Variants in CFDP1 observed in about 807,000 individuals in gnomAD.
CFDP1 encodes the protein heterochromatin-stabilizing protein CFDP1.
A neutral mutation model predicts 40.1 loss-of-function variants in CFDP1; 31 were observed. The observed-to-expected ratio is 0.77, with a 90% CI of 0.58 to 1.04. CFDP1 has a LOEUF of 1.04. Ranked by LOEUF, CFDP1 falls within the 50% of genes least tolerant of loss-of-function variation. CFDP1 has a pLI of 0.00. For synonymous variants in CFDP1, 167 were observed against 120.0 expected (o/e 1.39, Z -2.56); for missense variants, 423 against 343.4 (o/e 1.23, Z -1.83).
intron 5 of CFDP1, among the ~76,000 whole-genome samples, chr16:75,357,444 G>A (rs2078652317): frequency 2.0e-5 from 3 of 151,950 alleles, no homozygotes; most frequent in South Asian, 2.1e-4. Flanking sequence ...TAGTAGAGAC[G>A]GGGTTTCACC....
chr16:75,432,688 G>A (rs2079436915), intron 1 of CFDP1, among the ~76,000 whole-genome samples: 2 of 152,144 alleles, frequency 1.3e-5, no homozygotes, highest in South Asian at 4.1e-4. Context: ...TCAACGAGAC[G>A]GTTTGTCTGG....
chr16:75,299,040 A>C, intron 6 of CFDP1, among the ~76,000 whole-genome samples: 1 of 152,098 alleles, frequency 6.6e-6, no homozygotes, highest in East Asian at 1.9e-4. Context: ...CCGCCTTAGC[A>C]CTGCTAGATG....
intron 5 of CFDP1, among the ~76,000 whole-genome samples, chr16:75,331,643 T>C (rs1042992201): frequency 4.6e-5 from 7 of 152,220 alleles, no homozygotes; most frequent in African/African-American, 1.4e-4. Context: ...ACGTTATTTT[T>C]TTCTTTTGTG....
intron 1 of CFDP1, among the ~76,000 whole-genome samples, chr16:75,431,520 TA>T (rs2079417394): frequency 6.7e-6 from 1 of 149,106 alleles, no homozygotes; most frequent in South Asian, 2.1e-4. Flanking sequence ...CGGGCGCCTG[TA>T]ATCCCACCTA....
chr16:75,385,788 T>A (rs1256742123), intron 5 of CFDP1, among the ~76,000 whole-genome samples: 1 of 152,180 alleles, frequency 6.6e-6, no homozygotes, highest in Non-Finnish European at 1.5e-5. Flanking sequence ...TGTTTTAAAG[T>A]TAACCAAAAT....
chr16:75,424,625 G>A (rs1045886974), intron 1 of CFDP1, among the ~76,000 whole-genome samples: 2 of 152,040 alleles, frequency 1.3e-5, no homozygotes, highest in Non-Finnish European at 2.9e-5. Context: ...GTGGTGGCGG[G>A]CGCCTGTAGT....
intron 5 of CFDP1, among the ~76,000 whole-genome samples, chr16:75,375,701 G>A (rs921555254): frequency 6.7e-6 from 1 of 150,344 alleles, no homozygotes; most frequent in Admixed American, 6.7e-5. Context: ...TGAGACAGGA[G>A]AATCGTTTAA....
Position 75,364,434 on chromosome 16 carries a change from CAGGGAGCTGAAA to C in CFDP1, c.650+30644_650+30655del, listed in dbSNP as rs560278751. On this transcript the variant is annotated intron_variant, in intron 5 of 6. Coordinates refer to ENST00000283882, the MANE Select transcript of CFDP1 (RefSeq NM_006324.3). The stretch of plus-strand genomic sequence containing the variant: ...CCCCAGAGAGATGGGAGATTTTTTT[CAGGGAGCTGAAA>C]AGGTTAAAGCTATTTTCATGACAAC... 7.9e-5 allele frequency among the ~76,000 whole-genome samples: 12 copies of C among 152,124 alleles called. No homozygotes were observed. The East Asian group carries it at 1.9e-3, about 25-fold the overall frequency.
intron 6 of CFDP1, among the ~76,000 whole-genome samples, chr16:75,299,008 C>T (rs1207543446): frequency 1.3e-5 from 2 of 152,128 alleles, no homozygotes; most frequent in Non-Finnish European, 2.9e-5. Context: ...GCATGGATTC[C>T]TCCCCTTAAG....
Sources: gnomAD v4.1 joint callset for allele counts (sites outside exome capture counted in the v4.1 genomes callset) on GRCh38, gnomAD v4.1.1 for gene constraint, MANE v1.5 for transcripts, NCBI Gene and HGNC (gene_info 2026-07-23, HGNC 2026-07-21) for gene names.